The following AHI1 variants were observed in gnomAD, a reference collection of about 807,000 sequenced individuals.
The protein encoded by AHI1 is Abelson helper integration site 1, also known as jouberin.
Under a neutral mutation model 149.3 loss-of-function variants are expected in AHI1, and 123 were observed. That is an observed-to-expected ratio of 0.82 (90% CI 0.71 to 0.96). The LOEUF is 0.96. AHI1 is among the 40% of genes least tolerant of loss of function. The pLI, the probability that AHI1 is intolerant of heterozygous loss-of-function variation, is 0.00. For synonymous variants in AHI1, 475 were observed against 459.8 expected, an observed-to-expected ratio of 1.03 and a Z score of -0.42; for missense variants, 1,439 against 1,422.7, an observed-to-expected ratio of 1.01 and a Z score of -0.18.
intron 22 of AHI1, among the ~76,000 whole-genome samples, chr6:135,396,688 C>A (rs994374065): frequency 6.6e-6 from 1 of 151,722 alleles, no homozygotes; most frequent in South Asian, 2.1e-4. Context: ...TTTTTGGAAT[C>A]ATTTCTCAGT....
At chr6:135,357,352 T>C (rs1030494825) in intron 24 of AHI1, among the ~76,000 whole-genome samples, 5 of 152,224 alleles carry the variant, frequency 3.3e-5, no homozygotes, top group African/African-American at 9.6e-5. Context: ...AAGAAAATGT[T>C]CATTGGGACA....
At chr6:135,448,520 A>T in intron 11 of AHI1, 45 bp from the exon 12 acceptor site, 1 of 1,324,926 alleles carries the variant, frequency 7.5e-7, no homozygotes, top group Non-Finnish European at 1.0e-6. Flanking sequence ...ATTGAAAATA[A>T]ATATATCCAA....
chr6:135,393,428 C>G (rs1271661000), intron 23 of AHI1, among the ~76,000 whole-genome samples: 1 of 152,096 alleles, frequency 6.6e-6, no homozygotes, highest in Non-Finnish European at 1.5e-5. Context: ...TGTTCCCAGA[C>G]AGCTGGTAGG....
At chr6:135,408,198 G>A (rs1439180206) in intron 21 of AHI1, among the ~76,000 whole-genome samples, 2 of 152,070 alleles carry the variant, frequency 1.3e-5, no homozygotes, top group South Asian at 2.1e-4. Flanking sequence ...GAATAAAGAC[G>A]GATAGACTGT....
At chr6:135,418,309 A>T (rs1056205565) in intron 20 of AHI1, among the ~76,000 whole-genome samples, 1 of 152,120 alleles carries the variant, frequency 6.6e-6, no homozygotes, top group Non-Finnish European at 1.5e-5. Context: ...GAGCACAGAG[A>T]TGGCAACTAC....
chr6:135,467,643 G>A lies in AHI1; in HGVS notation c.136-9C>T, dbSNP rs780414647. 3 of 1,592,434 alleles carry A rather than the reference G, an allele frequency of 1.9e-6. No homozygotes were observed. Among genetic ancestry groups the A allele is most frequent in the Admixed American group, 3.4e-5 (2 of 58,704 alleles). ...CTTCTAATAGTGTCAGGCTAAAAAG[G>A]AAGACATAATAAAGTTTCAGCTAAG... On this transcript the variant is annotated splice_polypyrimidine_tract_variant and intron_variant, in intron 5 of 28. Transcript: ENST00000265602.
At chr6:135,328,415 T>C (rs1180387954) in intron 24 of AHI1, among the ~76,000 whole-genome samples, 1 of 152,224 alleles carries the variant, frequency 6.6e-6, no homozygotes, top group Non-Finnish European at 1.5e-5. Context: ...ATTTTTCCTT[T>C]ATTATTATAT....
intron 25 of AHI1, among the ~76,000 whole-genome samples, chr6:135,320,291 A>T (rs1786613631): frequency 1.3e-5 from 2 of 152,190 alleles, no homozygotes; most frequent in Non-Finnish European, 2.9e-5. Context: ...AAAAGAAAAC[A>T]TAAATTATTC....
intron 5 of AHI1, among the ~76,000 whole-genome samples, chr6:135,477,339 C>T (rs1446267084): frequency 6.6e-6 from 1 of 152,072 alleles, no homozygotes; most frequent in Non-Finnish European, 1.5e-5. Flanking sequence ...CATGCCCGGC[C>T]CTCTCTGCCC....
chr6:135,433,266 G>A lies in AHI1; in HGVS notation c.2037-10C>T, dbSNP rs1483842780. ...TTCATTTTTCCATATCCTGGAAAAG[G>A]ATAAGAAGTTACATATTGCTTCTGA... On this transcript the variant is annotated splice_polypyrimidine_tract_variant and intron_variant, in intron 15 of 28. Transcript: ENST00000265602. 6.4e-7 allele frequency: 1 copy of A among 1,565,768 alleles called. No individual in the cohort carries two copies. Among genetic ancestry groups the A allele is most frequent in the South Asian group, 1.1e-5 (1 of 89,360 alleles).
intron 13 of AHI1, among the ~76,000 whole-genome samples, chr6:135,443,960 T>C (rs761231635): frequency 1.3e-5 from 2 of 152,180 alleles, no homozygotes; most frequent in Non-Finnish European, 2.9e-5. Flanking sequence ...GAAAACTCTG[T>C]GCCCAATCAC....
intron 24 of AHI1, among the ~76,000 whole-genome samples, chr6:135,331,931 G>A (rs1174938255): frequency 6.6e-6 from 1 of 152,074 alleles, no homozygotes. Flanking sequence ...CCAAGTTTGT[G>A]GTAGTTTGCT....
chr6:135,339,365 T>C (rs1026318423), intron 24 of AHI1, among the ~76,000 whole-genome samples: 1 of 152,204 alleles, frequency 6.6e-6, no homozygotes, highest in African/African-American at 2.4e-5. Context: ...AAAGCCCAGA[T>C]GTTGGACTTA....
intron 22 of AHI1, among the ~76,000 whole-genome samples, chr6:135,396,197 G>T (rs148906154): frequency 6.6e-6 from 1 of 151,572 alleles, no homozygotes; most frequent in African/African-American, 2.4e-5. Context: ...AGTTGGGGGG[G>T]TCAAATACCA....
At chr6:135,349,426 T>A (rs1048717513) in intron 24 of AHI1, among the ~76,000 whole-genome samples, 6 of 152,244 alleles carry the variant, frequency 3.9e-5, no homozygotes, top group Non-Finnish European at 7.3e-5. Context: ...CCAACCCATC[T>A]GCTGGCTAAA....
At chr6:135,404,772 C>T (rs775674649) in intron 22 of AHI1, among the ~76,000 whole-genome samples, 179 bp downstream of exon 22, 1 of 152,110 alleles carries the variant, frequency 6.6e-6, no homozygotes, top group Non-Finnish European at 1.5e-5. Flanking sequence ...AAATGATCAC[C>T]CTTACTAAAT....
At chr6:135,454,012 T>C (rs998217460) in intron 10 of AHI1, among the ~76,000 whole-genome samples, 5 of 152,146 alleles carry the variant, frequency 3.3e-5, no homozygotes, top group African/African-American at 7.2e-5. Context: ...TGGTGCTTAT[T>C]AAAAGCTCAG....
intron 25 of AHI1, among the ~76,000 whole-genome samples, chr6:135,319,249 G>A (rs1786444680): frequency 6.6e-6 from 1 of 152,176 alleles, no homozygotes. Flanking sequence ...GCCGAGGTGG[G>A]CAGATCCCTT....
chr6:135,350,898 T>C (rs1791991343), intron 24 of AHI1, among the ~76,000 whole-genome samples: 1 of 152,114 alleles, frequency 6.6e-6, no homozygotes, highest in South Asian at 2.1e-4. Flanking sequence ...GGTTTTATCC[T>C]AAACATAAGG....
Sources: gnomAD v4.1 joint callset for allele counts (sites outside exome capture counted in the v4.1 genomes callset) on GRCh38, gnomAD v4.1.1 for gene constraint, MANE v1.5 for transcripts, NCBI Gene and HGNC (gene_info 2026-07-23, HGNC 2026-07-21) for gene names.